LDLRAD4: variants seen among roughly 807,000 people sequenced by gnomAD.
LDLRAD4 encodes the protein low-density lipoprotein receptor class A domain-containing protein 4.
LDLRAD4 carries 5 observed loss-of-function variants against 17.0 expected under a neutral mutation model. The observed-to-expected ratio is 0.29, with a 90% CI of 0.15 to 0.62. LDLRAD4 has a LOEUF of 0.62. LDLRAD4 is among the 20% of genes least tolerant of loss of function. LDLRAD4 has a pLI of 0.84. For synonymous variants in LDLRAD4, 168 were observed against 171.8 expected (o/e 0.98, Z 0.17); for missense variants, 340 against 424.7 (o/e 0.80, Z 1.75).
At chr18:13,485,505 A>T (rs914519443) in intron 3 of LDLRAD4, among the ~76,000 whole-genome samples, 1 of 152,196 alleles carries the variant, frequency 6.6e-6, no homozygotes, top group Non-Finnish European at 1.5e-5. Context: ...ATGGTACGGC[A>T]TGACAGTAGT....
At chr18:13,297,621 C>T (rs2046345314) in intron 1 of LDLRAD4, among the ~76,000 whole-genome samples, 1 of 152,122 alleles carries the variant, frequency 6.6e-6, no homozygotes, top group Non-Finnish European at 1.5e-5. Context: ...ATAATGAGAC[C>T]CTGTCTCTAC....
At chr18:13,319,267 C>T (rs1250549880) in intron 1 of LDLRAD4, among the ~76,000 whole-genome samples, 4 of 152,312 alleles carry the variant, frequency 2.6e-5, no homozygotes, top group Non-Finnish European at 4.4e-5. Flanking sequence ...GTGGCCACGG[C>T]GGGTATGATT....
chr18:13,457,987 CCA>C (rs1180421919), intron 3 of LDLRAD4, among the ~76,000 whole-genome samples: 1 of 152,120 alleles, frequency 6.6e-6, no homozygotes, highest in Non-Finnish European at 1.5e-5. Context: ...ATGATGTATC[CCA>C]GCACCATGGT....
intron 3 of LDLRAD4, chr18:13,488,601 G>T (rs908048663): frequency 6.6e-6 from 1 of 152,244 alleles, no homozygotes; most frequent in Non-Finnish European, 1.5e-5. Context: ...GCCTCCAGGC[G>T]TTTTTAGTTG....
At chr18:13,486,763 C>T (rs1006128847) in intron 3 of LDLRAD4, 2 of 152,140 alleles carry the variant, frequency 1.3e-5, no homozygotes, top group Non-Finnish European at 2.9e-5. Context: ...GAAGGATTCA[C>T]TTTAAAATGG....
At chr18:13,229,360 C>T (rs1038032948) in intron 1 of LDLRAD4, among the ~76,000 whole-genome samples, 1 of 152,164 alleles carries the variant, frequency 6.6e-6, no homozygotes, top group South Asian at 2.1e-4. Context: ...TAGCTGTTTG[C>T]CCACCTTGTA....
chr18:13,445,780 T>A (rs917689596), intron 3 of LDLRAD4, among the ~76,000 whole-genome samples: 1 of 151,370 alleles, frequency 6.6e-6, no homozygotes, highest in African/African-American at 2.4e-5. Flanking sequence ...TGTGTGTGTG[T>A]GAGGTTGAGT....
At chr18:13,254,755 G>A (rs2043412322) in intron 1 of LDLRAD4, among the ~76,000 whole-genome samples, 1 of 152,214 alleles carries the variant, frequency 6.6e-6, no homozygotes, top group Non-Finnish European at 1.5e-5. Flanking sequence ...TTGAGCCCAA[G>A]AGTTTGAGAC....
At chr18:13,307,110 CAG>C (rs751225083) in intron 1 of LDLRAD4, among the ~76,000 whole-genome samples, 16 of 152,110 alleles carry the variant, frequency 1.1e-4, no homozygotes, top group Admixed American at 6.5e-4. Flanking sequence ...ACTAAACAAA[CAG>C]GGGAAGAAGA....
intron 2 of LDLRAD4, among the ~76,000 whole-genome samples, chr18:13,407,212 C>T (rs2087849960): frequency 1.3e-5 from 2 of 152,204 alleles, no homozygotes; most frequent in Admixed American, 6.5e-5. Flanking sequence ...CTGCGCGACT[C>T]TGGTGCACCC....
At chr18:13,529,609 A>C (rs530106922) in intron 3 of LDLRAD4, among the ~76,000 whole-genome samples, 72 of 152,344 alleles carry the variant, frequency 4.7e-4, no homozygotes, top group Admixed American at 7.8e-4. Context: ...TGTGGTTTTC[A>C]TAGTCATGTG....
At chr18:13,307,999 C>T (rs61448765) in intron 1 of LDLRAD4, among the ~76,000 whole-genome samples, 3,874 of 152,280 alleles carry the variant, frequency 0.025, 109 homozygotes, top group African/African-American at 0.066. Context: ...TCATTCATGC[C>T]TGCTGCTGTC....
chr18:13,366,634 T>C (rs1198048902), intron 1 of LDLRAD4, among the ~76,000 whole-genome samples: 1 of 152,236 alleles, frequency 6.6e-6, no homozygotes, highest in Non-Finnish European at 1.5e-5. Context: ...GGTTGTTTCA[T>C]CTTTATCATC....
Position 13,537,157 on chromosome 18 carries a change from C to A in LDLRAD4, c.182-83960C>A, listed in dbSNP as rs541003711. ...TTCATAAAATGAATAGAGAAATTGT[C>A]CTGTTTCCTCTATTTTCTGAAATAA... On this transcript the variant is annotated intron_variant, in intron 3 of 5. Coordinates refer to ENST00000359446, the Ensembl canonical transcript of LDLRAD4. Among the ~76,000 whole-genome samples, 44 of 152,194 alleles carry A rather than the reference C, an allele frequency of 2.9e-4. 1 individual carries two copies. The South Asian group carries it at 8.9e-3, about 31-fold the overall frequency.
intron 1 of LDLRAD4, among the ~76,000 whole-genome samples, chr18:13,304,665 A>T (rs538329048): frequency 6.6e-6 from 1 of 152,146 alleles, no homozygotes. Context: ...AGCCCTTTTG[A>T]GTTTAACCTG....
intron 3 of LDLRAD4, among the ~76,000 whole-genome samples, chr18:13,474,466 G>A (rs1301116041): frequency 6.6e-6 from 1 of 152,262 alleles, no homozygotes. Flanking sequence ...CCCACTGGGT[G>A]CAGATCCAAG....
chr18:13,609,988 GAAAAA>G (rs1164901677), intron 3 of LDLRAD4, among the ~76,000 whole-genome samples: 1 of 151,824 alleles, frequency 6.6e-6, no homozygotes, highest in African/African-American at 2.4e-5. Flanking sequence ...TCCAAAAAAA[GAAAAA>G]AGAAAAGAAA....
At chr18:13,433,854 C>T (rs751148052) in intron 2 of LDLRAD4, among the ~76,000 whole-genome samples, 5 of 152,156 alleles carry the variant, frequency 3.3e-5, no homozygotes, top group African/African-American at 4.8e-5. Flanking sequence ...TTTCTCCTCT[C>T]GCACATGGTA....
chr18:13,584,056 C>G (rs1249898639), intron 3 of LDLRAD4, among the ~76,000 whole-genome samples: 1 of 152,202 alleles, frequency 6.6e-6, no homozygotes, highest in Non-Finnish European at 1.5e-5. Context: ...GCAGGTGAGC[C>G]CGGCCCACCC....
Sources: gnomAD v4.1 joint callset for allele counts (sites outside exome capture counted in the v4.1 genomes callset) on GRCh38, gnomAD v4.1.1 for gene constraint, MANE v1.5 for transcripts, NCBI Gene and HGNC (gene_info 2026-07-23, HGNC 2026-07-21) for gene names.